Variants in STK31 observed in about 807,000 individuals in gnomAD.
The protein encoded by STK31 is serine/threonine-protein kinase 31.
STK31 carries 89 observed loss-of-function variants against 129.7 expected under a neutral mutation model. The observed-to-expected ratio is 0.69, with a 90% CI of 0.58 to 0.82. The LOEUF (loss-of-function observed/expected upper bound fraction) is 0.82. STK31 is among the 40% of genes least tolerant of loss of function. The pLI is 0.00. For synonymous variants in STK31, 448 were observed against 395.3 expected, an observed-to-expected ratio of 1.13 and a Z score of -1.58; for missense variants, 1,187 against 1,176.4, an observed-to-expected ratio of 1.01 and a Z score of -0.13.
chr7:23,769,581 C>A, intron 12 of STK31, 59 bp from the exon 13 acceptor site: 3 of 1,159,554 alleles, frequency 2.6e-6, no homozygotes, highest in Non-Finnish European at 2.6e-6. Context: ...GGTATTAAGG[C>A]ACGATGAATG....
At chr7:23,776,976 T>G (rs1790594143) in intron 15 of STK31, among the ~76,000 whole-genome samples, 1 of 152,222 alleles carries the variant, frequency 6.6e-6, no homozygotes, top group Non-Finnish European at 1.5e-5. Context: ...TAAATTTCCC[T>G]CTAAACACTG....
chr7:23,739,122 A>G lies in STK31; in HGVS notation c.1017+2044A>G, dbSNP rs532388804. 2.6e-5 allele frequency among the ~76,000 whole-genome samples: 4 copies of G among 152,324 alleles called. No individual in the cohort carries two copies. The South Asian group carries it at 8.3e-4, about 32-fold the overall frequency. ...TGTAGAAGTGTTCCTATTTCTCCAC[A>G]TCGTCTCCAGCATCTGTTGTTTCCT... On this transcript the variant is annotated intron_variant, in intron 8 of 23. Coordinates refer to ENST00000355870, the MANE Select transcript of STK31 (RefSeq NM_031414.5).
Position 23,772,217 on chromosome 7 carries a change from C to G in STK31, c.1904C>G (p.Thr635Arg). ...SVDHLLSIKKTLKSLKALLRW... is the reference protein window; with the variant it reads ...SVDHLLSIKKRLKSLKALLRW... ...GATCACTTGCTATCCATTAAGAAGA[C>G]ATTGAAAAGCTTAAAAGCTCTACTC... Residue 635 changes from threonine (T) to arginine (R), a missense_variant, in exon 15 of 24, where the codon ACA (threonine) becomes AGA (arginine). By Grantham distance (71) the Thr-to-Arg change is moderately conservative (BLOSUM62 -1). Coordinates refer to ENST00000355870, the MANE Select transcript of STK31 (RefSeq NM_031414.5). 5 of 1,607,464 alleles carry G rather than the reference C, an allele frequency of 3.1e-6. No homozygotes were observed. The highest frequency in any genetic ancestry group is 1.7e-4 in the Middle Eastern group (1 of 5,982).
intron 8 of STK31, among the ~76,000 whole-genome samples, chr7:23,749,316 G>A (rs1368580657): frequency 2.7e-5 from 4 of 148,608 alleles, no homozygotes; most frequent in Non-Finnish European, 6.0e-5. Flanking sequence ...AGTATGCCTT[G>A]TAATTTTTTC....
chr7:23,757,228 C>T (rs1299393982), intron 10 of STK31, among the ~76,000 whole-genome samples: 1 of 152,044 alleles, frequency 6.6e-6, no homozygotes, highest in Non-Finnish European at 1.5e-5. Context: ...CCAGCCCCTG[C>T]ACACCTGTGG....
intron 8 of STK31, among the ~76,000 whole-genome samples, chr7:23,750,385 A>G (rs1584381049): frequency 6.6e-6 from 1 of 152,110 alleles, no homozygotes; most frequent in Admixed American, 6.6e-5. Flanking sequence ...GACCCTACCT[A>G]TCTCACCTTT....
chr7:23,755,509 T>G (rs1347413723), intron 10 of STK31, among the ~76,000 whole-genome samples: 1 of 152,244 alleles, frequency 6.6e-6, no homozygotes, highest in Non-Finnish European at 1.5e-5. Context: ...TTTAATTAGA[T>G]CCCATTTGTC....
chr7:23,761,151 G>A (rs1404664562), intron 10 of STK31, among the ~76,000 whole-genome samples: 1 of 152,148 alleles, frequency 6.6e-6, no homozygotes, highest in Admixed American at 6.5e-5. Context: ...AAAGTATTCA[G>A]GATGGAGCTT....
chr7:23,744,094 A>C (rs1788210922), intron 8 of STK31, among the ~76,000 whole-genome samples: 1 of 151,198 alleles, frequency 6.6e-6, no homozygotes, highest in South Asian at 2.1e-4. Context: ...TAATATTTTA[A>C]ATTTTTATTA....
chr7:23,827,844 T>C (rs557375009), intron 23 of STK31, among the ~76,000 whole-genome samples: 32 of 152,320 alleles, frequency 2.1e-4, no homozygotes, highest in African/African-American at 7.7e-4. Context: ...TCTGTTGTAG[T>C]TTACTGGAGG....
intron 8 of STK31, among the ~76,000 whole-genome samples, chr7:23,745,988 A>G (rs1788327097): frequency 6.6e-6 from 1 of 152,228 alleles, no homozygotes; most frequent in African/African-American, 2.4e-5. Flanking sequence ...GGTTGCTGCC[A>G]GTGGCTCCTA....
chr7:23,793,743 T>G (rs1336161650), intron 22 of STK31, among the ~76,000 whole-genome samples: 1 of 152,216 alleles, frequency 6.6e-6, no homozygotes, highest in Non-Finnish European at 1.5e-5. Flanking sequence ...CAACGGTTGC[T>G]TAGATCTGTT....
At chr7:23,808,982 T>TGTGTGTGTGTGTGTGTGTGTGTG (rs1230870285) in intron 22 of STK31, among the ~76,000 whole-genome samples, 1 of 149,260 alleles carries the variant, frequency 6.7e-6, no homozygotes, top group African/African-American at 2.5e-5. Flanking sequence ...CCTGTGTCTG[T>TGTGTGTGTGTGTGTGTGTGTGTG]TGGCATTTCT....
intron 10 of STK31, among the ~76,000 whole-genome samples, chr7:23,758,466 T>A (rs111789364): frequency 0.022 from 3,351 of 152,024 alleles, 60 homozygotes; most frequent in African/African-American, 0.052. Flanking sequence ...TGTGTGTCTC[T>A]GTCTCCTTCA....
Position 23,729,146 on chromosome 7 carries a change from TA to T in STK31, c.381del (p.Ile127MetfsTer43). Reference protein sequence around the residue: ...GNTEILNRSDIVEIPLELQFS... With the variant: ...GNTEILNRSDXVEIPLELQFS... ...ACTGAAATTCTAAATCGATCTGATA[TA>T]GTTGAAATTCCTTTGGAGCTGCAGT... On this transcript the variant is annotated frameshift_variant, in exon 6 of 24. Transcript: ENST00000355870. LOFTEE classifies it high-confidence loss of function. The T allele has an allele frequency of 6.2e-7, 1 of 1,612,172 alleles. No individual in the cohort carries two copies. Among genetic ancestry groups the T allele is most frequent in the South Asian group, 1.1e-5 (1 of 90,926 alleles).
chr7:23,752,859 G>C (rs553298455), intron 9 of STK31, 27 bp downstream of exon 9: 15 of 1,463,282 alleles, frequency 1.0e-5, no homozygotes, highest in Admixed American at 3.7e-5. Context: ...TTTTCAGAAG[G>C]ATATTTTAAA....
intron 4 of STK31, among the ~76,000 whole-genome samples, 193 bp from the exon 5 acceptor site, chr7:23,727,048 C>T (rs1371161291): frequency 6.6e-6 from 1 of 152,056 alleles, no homozygotes; most frequent in East Asian, 1.9e-4. Flanking sequence ...CTTGGTTCTG[C>T]AGTTTACTAG....
intron 23 of STK31, among the ~76,000 whole-genome samples, chr7:23,830,687 T>C (rs1057380770): frequency 6.6e-6 from 1 of 151,750 alleles, no homozygotes; most frequent in African/African-American, 2.4e-5. Flanking sequence ...TGGTGTGATC[T>C]CATCTCACTG....
rs923219033 is a variant in STK31 at position 23,748,245 on chromosome 7, A to AT, written c.1018-4465dup. Among the ~76,000 whole-genome samples the AT allele has an allele frequency of 2.6e-5, 4 of 151,878 alleles. No individual in the cohort carries two copies. The South Asian group carries it at 6.2e-4, about 24-fold the overall frequency. ...TTGGTTAATCCTTACATGTTTTGAG[A>AT]TTTTTTTCAATTATCTTTCTGTTAT... is the stretch of plus-strand genomic sequence containing the variant. On this transcript the variant is annotated intron_variant, in intron 8 of 23. Transcript: ENST00000355870.
Sources: allele counts gnomAD v4.1 joint callset (sites outside exome capture counted in the v4.1 genomes callset), GRCh38; gene constraint gnomAD v4.1.1; transcripts MANE v1.5; gene names NCBI Gene and HGNC (gene_info 2026-07-23, HGNC 2026-07-21).